Variants in NBPF26 observed in about 807,000 individuals in gnomAD.
The protein encoded by NBPF26 is NBPF family member NBPF26.
NBPF26 carries 79 observed loss-of-function variants against 119.6 expected under a neutral mutation model. That is an observed-to-expected ratio of 0.66 (90% CI 0.55 to 0.80). NBPF26 has a LOEUF of 0.80. NBPF26 is among the 30% of genes least tolerant of loss of function. The pLI, the probability that NBPF26 is intolerant of heterozygous loss-of-function variation, is 0.00. For synonymous variants in NBPF26, 299 were observed against 457.7 expected, an observed-to-expected ratio of 0.65 and a Z score of 4.43; for missense variants, 800 against 1,198.2, an observed-to-expected ratio of 0.67 and a Z score of 4.91.
chr1:120,833,272 G>C, intron 23 of NBPF26, among the ~76,000 whole-genome samples: 1 of 98,028 alleles, frequency 1.0e-5, no homozygotes, highest in Non-Finnish European at 1.9e-5. Context: ...CTCTTTTCAT[G>C]ATCACAGTTT....
intron 2 of NBPF26, among the ~76,000 whole-genome samples, chr1:120,767,788 G>C (rs1388897160): frequency 8.9e-6 from 1 of 112,876 alleles, no homozygotes; most frequent in Non-Finnish European, 1.7e-5. Flanking sequence ...TTTGATTAAA[G>C]ATCATGGACA....
At chr1:120,805,691 A>C in exon 5 of NBPF26, 1 of 1,458,234 alleles carries the variant, frequency 6.9e-7, no homozygotes, top group Non-Finnish European at 9.3e-7. Flanking sequence ...AACAAACAGC[A>C]GTTGAGAAAC....
chr1:120,789,959 T>A (rs1218841991), intron 3 of NBPF26, among the ~76,000 whole-genome samples: 47,391 of 71,868 alleles, frequency 0.66, 18,967 homozygotes, highest in Non-Finnish European at 0.71. Flanking sequence ...AACTTCTTCC[T>A]TGTTGTTAAG....
At chr1:120,778,564 C>T (rs1227396454) in intron 2 of NBPF26, among the ~76,000 whole-genome samples, 1 of 36,136 alleles carries the variant, frequency 2.8e-5, no homozygotes, top group Non-Finnish European at 4.4e-5. Flanking sequence ...TGGGATTTTG[C>T]TTTGTTGTTG....
intron 4 of NBPF26, among the ~76,000 whole-genome samples, chr1:120,801,826 C>CAAA (rs1168359637): frequency 0.27 from 2,418 of 9,062 alleles, 752 homozygotes; most frequent in Middle Eastern, 0.5. Flanking sequence ...GACCCTGTCT[C>CAAA]AAAAAAAAAA....
intron 1 of NBPF26, among the ~76,000 whole-genome samples, chr1:120,728,838 T>A (rs1252579340): frequency 2.8e-5 from 3 of 106,564 alleles, no homozygotes; most frequent in Non-Finnish European, 5.2e-5. Context: ...ACCAAGAGAG[T>A]CCCCTGAACA....
Position 120,785,001 on chromosome 1 carries a change from T to C in NBPF26, c.183T>C (p.Tyr61=), listed in dbSNP as rs1296592364. 649 of 1,423,014 alleles carry C rather than the reference T, an allele frequency of 4.6e-4. 144 individuals carry two copies. In the South Asian group the frequency reaches 7.4e-3, roughly 16 times the overall value. 88.1% of individuals were successfully genotyped at this position (1,423,014 alleles called of 1,614,324 possible). ...GTCCAGAAGGCTTCTTGGGGGAATA[T>C]TGTCAACATCGAGACCCCTGTGAGA... Residue 61 remains tyrosine (Y), a synonymous_variant, in exon 3 of 30, where the codon TAT becomes TAC. Transcript: ENST00000620612.
At chr1:120,804,298 G>T (rs1651624113) in intron 4 of NBPF26, among the ~76,000 whole-genome samples, 2 of 108,818 alleles carry the variant, frequency 1.8e-5, no homozygotes, top group Non-Finnish European at 3.4e-5. Flanking sequence ...TTTCCTACTT[G>T]TTCCTCTCAC....
At chr1:120,728,130 CTT>C (rs1476112123) in intron 1 of NBPF26, among the ~76,000 whole-genome samples, 1 of 114,366 alleles carries the variant, frequency 8.7e-6, no homozygotes, top group Non-Finnish European at 1.7e-5. Flanking sequence ...CACAAAAACT[CTT>C]ATAACATCCT....
At chr1:120,788,187 CTT>C (rs1651445012) in intron 3 of NBPF26, among the ~76,000 whole-genome samples, 1 of 64,692 alleles carries the variant, frequency 1.5e-5, no homozygotes, top group Non-Finnish European at 2.6e-5. Context: ...CATGAATACT[CTT>C]TCTTACCTCC....
In NBPF26 at chr1:120,756,048, A is replaced by C. The variant is rs1306867462; in HGVS notation, c.74-7580A>C. On this transcript the variant is annotated intron_variant, in intron 1 of 29. Coordinates refer to ENST00000620612, the Ensembl canonical transcript of NBPF26. ...ACCACTTGGGATTTGAAGCTTCCGC[A>C]CTTCTTCTGTTTGTTTGGATTTTTT... is the stretch of plus-strand genomic sequence containing the variant. Among the ~76,000 whole-genome samples, 326 of 111,086 alleles carry C rather than the reference A, an allele frequency of 2.9e-3. 69 individuals are homozygous for C. Among genetic ancestry groups the C allele is most frequent in the Middle Eastern group, 0.016 (4 of 254 alleles). 72.9% of individuals were successfully genotyped at this position (111,086 alleles called of 152,430 possible).
At chr1:120,807,340 A>G (rs1462349898) in intron 5 of NBPF26, among the ~76,000 whole-genome samples, 2 of 125,038 alleles carry the variant, frequency 1.6e-5, no homozygotes, top group East Asian at 2.0e-4. Context: ...AGGGACTGTG[A>G]GTTCTGACTC....
chr1:120,784,926 C>T (rs1651404388), intron 2 of NBPF26, 48 bp from the exon 3 acceptor site: 1 of 1,148,074 alleles, frequency 8.7e-7, no homozygotes. Flanking sequence ...ATTTTTTGGA[C>T]TTACAAGAAG....
rs1402190267 is a variant in NBPF26 at position 120,781,996 on chromosome 1, T to A, written c.156-2978T>A. On this transcript the variant is annotated intron_variant, in intron 2 of 29. Coordinates refer to ENST00000620612, the Ensembl canonical transcript of NBPF26. ...AAATATACAATACATAGTTAAGTAC[T>A]TAGAAAATATGTTTTCAGTTACTTC... is the stretch of plus-strand genomic sequence containing the variant. 2.0e-5 allele frequency among the ~76,000 whole-genome samples: 2 copies of A among 100,218 alleles called. 1 individual carries two copies. The highest frequency in any genetic ancestry group is 3.7e-5 in the Non-Finnish European group (2 of 54,446). 65.7% of individuals were successfully genotyped at this position (100,218 alleles called of 152,430 possible). A position where few individuals can be genotyped will look rare whatever the true frequency, so the allele number is the denominator to read the frequency against.
In NBPF26 at chr1:120,814,910, C is replaced by A; in HGVS notation, c.1959C>A (p.Ser653=). 2.5e-6 allele frequency: 3 copies of A among 1,218,546 alleles called. 1 individual carries two copies. The African/African-American group carries it at 7.4e-5, about 30-fold the overall frequency. The allele number at this position is 1,218,546 out of a possible 1,614,324, so 75.5% of individuals were successfully genotyped here. The change falls in exon 12 of 30, where the codon TCC becomes TCA. Residue 653 remains serine (S), a synonymous_variant. Coordinates refer to ENST00000620612, the Ensembl canonical transcript of NBPF26. ...AGTTGCGGGAAGGGAGAGATGCCTCCCGCTCATTGAATGAGCATCTCCAGG... is the reference window on the plus strand; with the variant it reads ...AGTTGCGGGAAGGGAGAGATGCCTCACGCTCATTGAATGAGCATCTCCAGG...
chr1:120,733,227 C>A, intron 1 of NBPF26, among the ~76,000 whole-genome samples: 1 of 96,034 alleles, frequency 1.0e-5, no homozygotes, highest in African/African-American at 7.0e-5. Context: ...AAATCTTTAC[C>A]ATTTGATAAG....
chr1:120,812,937 AATAATAAT>A (rs1651906865), intron 10 of NBPF26, among the ~76,000 whole-genome samples: 2 of 117,208 alleles, frequency 1.7e-5, no homozygotes, highest in African/African-American at 9.5e-5. Context: ...TAATAATAAT[AATAATAAT>A]AATAATAATA....
rs1651688549 is a variant in NBPF26, at chr1:120,806,524, C to A, written c.961+759C>A. On this transcript the variant is annotated intron_variant, in intron 5 of 29. Coordinates refer to ENST00000620612, the Ensembl canonical transcript of NBPF26. ...AGAAGAATCCTTTGAACCCAGCAGG[C>A]AGATGTTGCAGTGAGCCAAGATTGC... Among the ~76,000 whole-genome samples the A allele has an allele frequency of 2.4e-5, 3 of 123,652 alleles. 1 individual carries two copies. Among genetic ancestry groups the A allele is most frequent in the Non-Finnish European group, 4.9e-5 (3 of 60,852 alleles). The allele number at this position is 123,652 out of a possible 152,430, so 81.1% of individuals were successfully genotyped here.
intron 10 of NBPF26, among the ~76,000 whole-genome samples, chr1:120,812,917 CTAAAAATAATAATAATAATAA>C (rs1651904534): frequency 1.2e-5 from 1 of 84,644 alleles, no homozygotes; most frequent in Non-Finnish European, 2.1e-5. Context: ...GGCAAGACTG[CTAAAAATAATAATAATAATAA>C]TAATAATAAT....
Sources: allele counts gnomAD v4.1 joint callset (sites outside exome capture counted in the v4.1 genomes callset), GRCh38; gene constraint gnomAD v4.1.1; transcripts MANE v1.5; gene names NCBI Gene and HGNC (gene_info 2026-07-23, HGNC 2026-07-21).